Variants in SLC6A6 observed in about 807,000 individuals in gnomAD.
The protein encoded by SLC6A6 is sodium- and chloride-dependent taurine transporter.
Under a neutral mutation model 68.8 loss-of-function variants are expected in SLC6A6, and 16 were observed. The observed-to-expected ratio is 0.23, with a 90% confidence interval of 0.16 to 0.35. SLC6A6 has a LOEUF of 0.35. SLC6A6 is among the 10% of genes least tolerant of loss of function. SLC6A6 has a pLI of 1.00. For synonymous variants in SLC6A6, 312 were observed against 315.4 expected (o/e 0.99, Z 0.12); for missense variants, 474 against 802.8 (o/e 0.59, Z 4.95).
At chr3:14,453,338 C>G (rs1172037148) in intron 5 of SLC6A6, among the ~76,000 whole-genome samples, 2 of 152,226 alleles carry the variant, frequency 1.3e-5, no homozygotes, top group Non-Finnish European at 2.9e-5. Context: ...CTCGGAGTCT[C>G]CTCCCTCTGT....
intron 2 of SLC6A6, among the ~76,000 whole-genome samples, chr3:14,443,070 T>C (rs1227722295): frequency 2.0e-5 from 3 of 152,262 alleles, no homozygotes; most frequent in Admixed American, 6.5e-5. Flanking sequence ...CCATTCCTCG[T>C]TCGTTTCCGT....
Position 14,477,964 on chromosome 3 carries a change from A to G in SLC6A6, c.1348-502A>G, listed in dbSNP as rs1245432278. ...ATTGTACTAAGAATGGAAGCCTAGC[A>G]TCAAAGCCAGGGCACGCTCTCTCCT... On this transcript the variant is annotated intron_variant, in intron 11 of 14. Coordinates refer to ENST00000622186, the MANE Select transcript of SLC6A6 (RefSeq NM_003043.6). The surrounding 1 kb of genome is among the most constrained non-coding windows in gnomAD (Gnocchi z 4.2). 6.6e-6 allele frequency among the ~76,000 whole-genome samples: 1 copy of G among 152,098 alleles called. No homozygotes were observed. The highest frequency in any genetic ancestry group is 1.5e-5 in the Non-Finnish European group (1 of 68,016).
At position 14,478,575 on chromosome 3, in the gene SLC6A6, A is replaced by G; in HGVS notation, c.1450+7A>G. The G allele has an allele frequency of 6.4e-7, 1 of 1,556,960 alleles. No homozygotes were observed. The highest frequency in any genetic ancestry group is 8.9e-7 in the Non-Finnish European group (1 of 1,128,144). ...GTTATTGCCTGGATATATGGTGAGT[A>G]CAGATTTTTTCATGTCCTTTCTCAA... On this transcript the variant is annotated splice_region_variant and intron_variant, in intron 12 of 14. Transcript: ENST00000622186.
chr3:14,406,067 CCA>C (rs1213338887), intron 1 of SLC6A6, among the ~76,000 whole-genome samples: 6 of 152,240 alleles, frequency 3.9e-5, no homozygotes, highest in Admixed American at 2.6e-4. Context: ...GGCAGAGTAG[CCA>C]CAAGGGCACA....
intron 14 of SLC6A6, among the ~76,000 whole-genome samples, chr3:14,484,521 A>G (rs953794410): frequency 6.6e-6 from 1 of 152,178 alleles, no homozygotes; most frequent in African/African-American, 2.4e-5. Flanking sequence ...AGGCAGAGAA[A>G]TCAGAGGGAG....
At chr3:14,431,769 C>G (rs1200679143) in intron 2 of SLC6A6, among the ~76,000 whole-genome samples, 3 of 152,028 alleles carry the variant, frequency 2.0e-5, no homozygotes, top group African/African-American at 4.8e-5. Context: ...ACACTCTGGT[C>G]GAGCTGAATT....
chr3:14,459,522 A>G (rs9870400), intron 6 of SLC6A6, among the ~76,000 whole-genome samples: 1,878 of 152,146 alleles, frequency 0.012, 43 homozygotes, highest in African/African-American at 0.043. Context: ...GCCATCCTGA[A>G]GCCAAGGGTG....
intron 2 of SLC6A6, among the ~76,000 whole-genome samples, chr3:14,417,687 G>C (rs139860436): frequency 1.3e-5 from 2 of 150,086 alleles, no homozygotes; most frequent in Middle Eastern, 3.4e-3. Context: ...AGCCGCGATC[G>C]TGCCACTGCA....
chr3:14,478,581 T>G lies in SLC6A6; in HGVS notation c.1450+13T>G. 6.7e-7 allele frequency: 1 copy of G among 1,492,638 alleles called. No individual in the cohort carries two copies. Among genetic ancestry groups the G allele is most frequent in the East Asian group, 2.3e-5 (1 of 44,320 alleles). The allele number at this position is 1,492,638 out of a possible 1,614,324, so 92.5% of individuals were successfully genotyped here. A position where few individuals can be genotyped will look rare whatever the true frequency, so the allele number is the denominator to read the frequency against. On this transcript the variant is annotated intron_variant, in intron 12 of 14. Transcript: ENST00000622186. ...GCCTGGATATATGGTGAGTACAGAT[T>G]TTTTCATGTCCTTTCTCAAGGCTCT...
At chr3:14,467,578 G>C (rs928416166) in intron 7 of SLC6A6, among the ~76,000 whole-genome samples, 1 of 152,186 alleles carries the variant, frequency 6.6e-6, no homozygotes, top group African/African-American at 2.4e-5. Context: ...CTTGCCCACT[G>C]TCATTCCAGG....
At chr3:14,438,619 C>G (rs6774216) in intron 2 of SLC6A6, among the ~76,000 whole-genome samples, 2,451 of 152,218 alleles carry the variant, frequency 0.016, 81 homozygotes, top group African/African-American at 0.056. Context: ...AGCTGCTTGC[C>G]CAACCCGCTG....
At chr3:14,431,693 T>A (rs1245866965) in intron 2 of SLC6A6, among the ~76,000 whole-genome samples, 1 of 152,156 alleles carries the variant, frequency 6.6e-6, no homozygotes, top group East Asian at 1.9e-4. Context: ...TGGGCACCGG[T>A]GACCGACAGT....
chr3:14,462,694 TA>T lies in SLC6A6; in HGVS notation c.733-3812del, dbSNP rs200732285. On this transcript the variant is annotated intron_variant, in intron 6 of 14. Transcript: ENST00000622186. ...AGCATGGGCGACAGAGACCGTGTCT[TA>T]AAAAAAAAATGTAAGGGGAAACAGC... 6.0e-5 allele frequency among the ~76,000 whole-genome samples: 9 copies of T among 149,450 alleles called. No homozygotes were observed. In the South Asian group the frequency reaches 6.4e-4, roughly 11 times the overall value.
intron 2 of SLC6A6, chr3:14,432,801 T>G (rs1699759378): frequency 6.6e-6 from 1 of 152,302 alleles, no homozygotes; most frequent in Non-Finnish European, 1.5e-5. Context: ...GGCATTTTGG[T>G]GGCCCTCCCC....
chr3:14,443,516 G>T, intron 2 of SLC6A6, 108 bp from the exon 3 acceptor site: 1 of 750,962 alleles, frequency 1.3e-6, no homozygotes, highest in Non-Finnish European at 2.3e-6. Context: ...CTTGCCACAG[G>T]CCCGGGCAGG....
At chr3:14,405,760 A>T (rs1047334441) in intron 1 of SLC6A6, among the ~76,000 whole-genome samples, 4 of 152,158 alleles carry the variant, frequency 2.6e-5, no homozygotes, top group African/African-American at 9.7e-5. Context: ...GCGCTTTTTT[A>T]ATGTGCTTCA....
intron 2 of SLC6A6, among the ~76,000 whole-genome samples, chr3:14,417,695 G>A (rs1699395414): frequency 6.7e-6 from 1 of 148,496 alleles, no homozygotes; most frequent in Non-Finnish European, 1.5e-5. Flanking sequence ...TCGTGCCACT[G>A]CACTCCAGCC....
chr3:14,462,340 G>T (rs979831715), intron 6 of SLC6A6, among the ~76,000 whole-genome samples: 18 of 152,212 alleles, frequency 1.2e-4, no homozygotes, highest in Non-Finnish European at 4.4e-5. Context: ...TCAGGAAAGA[G>T]ACTGAGCCAC....
At chr3:14,403,829 T>A (rs1421970007) in intron 1 of SLC6A6, among the ~76,000 whole-genome samples, 1 of 152,194 alleles carries the variant, frequency 6.6e-6, no homozygotes, top group East Asian at 1.9e-4. Flanking sequence ...GCCTCAAAGC[T>A]TCAGCCTGGA....
Sources: allele counts gnomAD v4.1 joint callset (sites outside exome capture counted in the v4.1 genomes callset), GRCh38; gene constraint gnomAD v4.1.1; non-coding constraint Gnocchi (gnomAD v3.1); transcripts MANE v1.5; gene names NCBI Gene and HGNC (gene_info 2026-07-23, HGNC 2026-07-21).